Variants in MTA3 observed in about 807,000 individuals in gnomAD.
The protein encoded by MTA3 is metastasis associated 1 family member 3.
MTA3 carries 34 observed loss-of-function variants against 83.5 expected under a neutral mutation model. The ratio of observed to expected loss-of-function variants is 0.41; its 90% CI spans 0.31 to 0.54. MTA3 has a LOEUF of 0.54. Among genes scored for constraint, MTA3 ranks in the 20% least tolerant of loss-of-function variants. The pLI, the probability that MTA3 is intolerant of heterozygous loss-of-function variation, is 0.33. For synonymous variants in MTA3, 303 were observed against 252.7 expected, an observed-to-expected ratio of 1.20 and a Z score of -1.89; for missense variants, 761 against 726.4, an observed-to-expected ratio of 1.05 and a Z score of -0.55.
chr2:42,643,244 G>A (rs1284221949), intron 5 of MTA3, among the ~76,000 whole-genome samples: 1 of 151,840 alleles, frequency 6.6e-6, no homozygotes, highest in African/African-American at 2.4e-5. Context: ...CCTTTGCTGG[G>A]GCTTGGTAAA....
chr2:42,702,468 G>C (rs922261042), intron 11 of MTA3: 2 of 152,182 alleles, frequency 1.3e-5, no homozygotes, highest in Non-Finnish European at 2.9e-5. Flanking sequence ...GCTTTAACAG[G>C]TGAATGGAAT....
chr2:42,631,695 A>G (rs543155448), intron 4 of MTA3, among the ~76,000 whole-genome samples: 38 of 152,158 alleles, frequency 2.5e-4, no homozygotes, highest in African/African-American at 8.4e-4. Flanking sequence ...TTATTATTTT[A>G]TTATTATTTT....
chr2:42,598,301 G>A (rs570035943), intron 3 of MTA3, among the ~76,000 whole-genome samples: 4 of 151,752 alleles, frequency 2.6e-5, no homozygotes, highest in Admixed American at 6.6e-5. Context: ...TCCTGACCTC[G>A]TGATCCACCC....
At chr2:42,687,060 G>A (rs1012127855) in intron 9 of MTA3, among the ~76,000 whole-genome samples, 1 of 148,946 alleles carries the variant, frequency 6.7e-6, no homozygotes, top group Admixed American at 6.7e-5. Context: ...CCAGGAGGCA[G>A]AGGTTGCAGT....
chr2:42,538,537 A>T lies in MTA3; in HGVS notation c.-140-31900A>T, dbSNP rs895808106. ...AGCCTGGCCAACATGGTGAAATGCCATCTCTACTAAAACTACAAAAATTAG... is the reference window on the plus strand; with the variant it reads ...AGCCTGGCCAACATGGTGAAATGCCTTCTCTACTAAAACTACAAAAATTAG... On this transcript the variant is annotated intron_variant, in intron 2 of 17. Coordinates refer to the MTA3 transcript ENST00000405592. 1.3e-5 allele frequency among the ~76,000 whole-genome samples: 2 copies of T among 151,740 alleles called. 1 individual carries two copies. Among genetic ancestry groups the T allele is most frequent in the South Asian group, 4.1e-4 (2 of 4,824 alleles).
rs552865285 is a variant in MTA3, at chr2:42,753,039, C to G, written c.1760-335C>G. 2.2e-4 allele frequency among the ~76,000 whole-genome samples: 33 copies of G among 152,296 alleles called. No homozygotes were observed. In the South Asian group the frequency reaches 5.6e-3, roughly 26 times the overall value. On this transcript the variant is annotated intron_variant, in intron 16 of 16. Coordinates refer to ENST00000405094, the MANE Select transcript of MTA3 (RefSeq NM_001330442.2). ...TTGTGAGCTCAAGCAGTCCTCCCCC[C>G]TCAGCCTCCTGAAGTAGCTGGGACT...
chr2:42,646,349 T>C (rs1688184938), intron 6 of MTA3, among the ~76,000 whole-genome samples: 1 of 152,202 alleles, frequency 6.6e-6, no homozygotes, highest in Admixed American at 6.5e-5. Context: ...TTTCACATTT[T>C]ATTATTAAGA....
intron 2 of MTA3, among the ~76,000 whole-genome samples, chr2:42,557,457 TCTGGGTGTC>T (rs1442017275): frequency 5.3e-5 from 8 of 152,142 alleles, no homozygotes; most frequent in Non-Finnish European, 1.0e-4. Flanking sequence ...CTGGACGGAT[TCTGGGTGTC>T]CTTTACCAAA....
At chr2:42,565,553 G>A (rs1677874018), upstream of MTA3, among the ~76,000 whole-genome samples, 1 of 152,150 alleles carries the variant, frequency 6.6e-6, no homozygotes, top group African/African-American at 2.4e-5. Flanking sequence ...TGCAACAACT[G>A]TGCAAGGAAA....
rs1014474374 is a variant in MTA3 at position 42,755,518 on chromosome 2, A to G, written c.*2119A>G. 12 of 985,296 alleles carry G rather than the reference A, an allele frequency of 1.2e-5. No homozygotes were observed. The highest frequency in any genetic ancestry group is 6.1e-5 in the Admixed American group (1 of 16,272). The allele number at this position is 985,296 out of a possible 1,614,324, so 61.0% of individuals were successfully genotyped here. A position where few individuals can be genotyped will look rare whatever the true frequency, so the allele number is the denominator to read the frequency against. The stretch of plus-strand genomic sequence containing the variant: ...CAAGCAGGCTTTTCCTTCCTCTTGT[A>G]AGTAAAGCTCGTGGTTCTGTAGTCC... On this transcript the variant is annotated 3_prime_UTR_variant, in exon 17 of 17. Transcript: ENST00000405094.
intron 4 of MTA3, among the ~76,000 whole-genome samples, chr2:42,637,894 T>C (rs931809543): frequency 2.6e-5 from 4 of 152,176 alleles, no homozygotes; most frequent in Non-Finnish European, 4.4e-5. Flanking sequence ...TATGCTATAT[T>C]GTTTGTTTGA....
chr2:42,541,358 G>A (rs187281794), intron 2 of MTA3, among the ~76,000 whole-genome samples: 2 of 152,240 alleles, frequency 1.3e-5, no homozygotes, highest in East Asian at 1.9e-4. Context: ...TCTTTTCCCA[G>A]GCTTATTGTG....
intron 15 of MTA3, among the ~76,000 whole-genome samples, chr2:42,719,570 C>T (rs956438347): frequency 3.3e-5 from 5 of 152,130 alleles, no homozygotes; most frequent in African/African-American, 4.8e-5. Flanking sequence ...GACAGGGTCT[C>T]GCTTTGTTGC....
At chr2:42,533,019 C>A in intron 2 of MTA3, 1 of 193,794 alleles carries the variant, frequency 5.2e-6, no homozygotes, top group Non-Finnish European at 1.1e-5. Context: ...TACAGCAATG[C>A]CAACAGCATG....
upstream of MTA3, among the ~76,000 whole-genome samples, chr2:42,564,110 T>G (rs1677797937): frequency 6.6e-6 from 1 of 152,182 alleles, no homozygotes; most frequent in Admixed American, 6.6e-5. Context: ...TGTGTGCCAC[T>G]GTGCCTGGCC....
chr2:42,698,116 A>T (rs1693551221), intron 11 of MTA3, among the ~76,000 whole-genome samples: 1 of 152,224 alleles, frequency 6.6e-6, no homozygotes, highest in African/African-American at 2.4e-5. Context: ...ATGCTGTATT[A>T]TTTGAAGCAA....
At chr2:42,658,718 CTATCTGT>C (rs1395419089) in intron 7 of MTA3, among the ~76,000 whole-genome samples, 1 of 152,066 alleles carries the variant, frequency 6.6e-6, no homozygotes, top group Non-Finnish European at 1.5e-5. Context: ...TTTACAGTAA[CTATCTGT>C]TTACTGTGTA....
chr2:42,588,206 C>T (rs1680563227), intron 3 of MTA3, among the ~76,000 whole-genome samples: 2 of 152,166 alleles, frequency 1.3e-5, no homozygotes, highest in Non-Finnish European at 2.9e-5. Flanking sequence ...GTTTAGCTTT[C>T]ATTCTGTTCC....
chr2:42,633,850 C>T (rs1686928936), intron 4 of MTA3, among the ~76,000 whole-genome samples: 1 of 151,226 alleles, frequency 6.6e-6, no homozygotes, highest in Non-Finnish European at 1.5e-5. Context: ...GACCGCGCCA[C>T]TGCACTCCAA....
Sources: allele counts gnomAD v4.1 joint callset (sites outside exome capture counted in the v4.1 genomes callset), GRCh38; gene constraint gnomAD v4.1.1; transcripts MANE v1.5; gene names NCBI Gene and HGNC (gene_info 2026-07-23, HGNC 2026-07-21).